Variants in EOMES observed in about 807,000 individuals in gnomAD.
EOMES encodes eomesodermin homolog.
In EOMES, 18 loss-of-function variants were observed where a neutral mutation model predicts 61.0. That is an observed-to-expected ratio of 0.30 (90% confidence interval 0.20 to 0.44). The LOEUF (loss-of-function observed/expected upper bound fraction) is 0.44. EOMES is among the 20% of genes least tolerant of loss of function. The probability of loss-of-function intolerance (pLI) is 1.00; values close to 1 mark genes in which losing one functional copy is unlikely to be tolerated. For missense variants in EOMES, 885 were observed against 939.2 expected (o/e 0.94, Z 0.75); for synonymous variants, 430 against 394.0 (o/e 1.09, Z -1.08).
At chr3:27,718,994 A>G in intron 3 of EOMES, 101 bp from the exon 4 acceptor site, 1 of 856,730 alleles carries the variant, frequency 1.2e-6, no homozygotes, top group Non-Finnish European at 1.8e-6. Flanking sequence ...TTGGACTTCT[A>G]AATGCTCCTC....
rs2060582042 is a variant in EOMES, at chr3:27,717,873, C to T, written c.1380-65G>A. The T allele has an allele frequency of 1.1e-5, 13 of 1,219,498 alleles. No individual in the cohort carries two copies. The East Asian group carries it at 3.3e-4, about 31-fold the overall frequency. The allele number at this position is 1,219,498 out of a possible 1,614,324, so 75.5% of individuals were successfully genotyped here. A position where few individuals can be genotyped will look rare whatever the true frequency, so the allele number is the denominator to read the frequency against. ...CCTAATGTTGTCCCCAAACAAACCA[C>T]CTCCCAGAAATGAAAAAGGCTTGTG... On this transcript the variant is annotated intron_variant, in intron 5 of 5. Transcript: ENST00000449599. This position sits in a 1 kb window ranked among gnomAD's most constrained non-coding sequence, Gnocchi z 4.5.
chr3:27,719,928 G>A (rs372463338), intron 2 of EOMES, among the ~76,000 whole-genome samples: 1 of 152,116 alleles, frequency 6.6e-6, no homozygotes, highest in Non-Finnish European at 1.5e-5. Context: ...GTAGGGATTG[G>A]GGGGTGGGGT....
At chr3:27,719,179 C>T (rs1054815887) in intron 3 of EOMES, among the ~76,000 whole-genome samples, 181 bp downstream of exon 3, 12 of 151,598 alleles carry the variant, frequency 7.9e-5, no homozygotes, top group Non-Finnish European at 1.5e-4. Context: ...TCACTGTTAT[C>T]GAAATCCAAT....
chr3:27,721,613 G>T lies in EOMES; in HGVS notation c.682C>A (p.Pro228Thr). The part of the protein sequence containing the change: ...AGGSSGGGGG[P>T]GTYQYSQGAP... ...CCCTGGCTGTACTGATAGGTGCCCG[G>T]GCCGCCGCCCCCGCCGCTGCTACCG... The change falls in exon 1 of 6, where the codon CCG becomes ACG. Residue 228 changes from proline (P) to threonine (T), a missense_variant. Coordinates refer to ENST00000449599, the MANE Select transcript of EOMES (RefSeq NM_001278182.2). This position sits in a 1 kb window ranked among gnomAD's most constrained non-coding sequence, Gnocchi z 7.4. 1.3e-6 allele frequency: 2 copies of T among 1,544,240 alleles called. No individual in the cohort carries two copies. The highest frequency in any genetic ancestry group is 2.4e-5 in the South Asian group (2 of 84,424).
chr3:27,719,115 C>G (rs1472726615), intron 3 of EOMES, among the ~76,000 whole-genome samples: 1 of 150,996 alleles, frequency 6.6e-6, no homozygotes, highest in East Asian at 2.0e-4. Flanking sequence ...ATGCTTTCCT[C>G]TTGGTTTCCT....
chr3:27,720,265 A>G lies in EOMES; in HGVS notation c.942T>C (p.Asn314=). The G allele has an allele frequency of 6.2e-7, 1 of 1,613,312 alleles. No individual in the cohort carries two copies. The highest frequency in any genetic ancestry group is 1.1e-5 in the South Asian group (1 of 91,060). The change falls in exon 2 of 6, where the codon AAT becomes AAC. Residue 314 remains asparagine, a synonymous_variant. Transcript: ENST00000449599. ...CCGCCAGCACCACCTCTACGAACAC[A>G]TTGTAGTGGGCAGTGGGATTGAGTC... ...INGLNPTAHY[N]VFVEVVLADP...
Position 27,721,364 on chromosome 3 carries a change from C to T in EOMES, c.881+50G>A. On this transcript the variant is annotated intron_variant, in intron 1 of 5. Coordinates refer to ENST00000449599, the MANE Select transcript of EOMES (RefSeq NM_001278182.2). This position sits in a 1 kb window ranked among gnomAD's most constrained non-coding sequence, Gnocchi z 7.4. ...TCATCCCGGACCTTCCCCAGGACCACACGTCACCCTTTATCCCCGAACCCA... is the reference window on the plus strand; with the variant it reads ...TCATCCCGGACCTTCCCCAGGACCATACGTCACCCTTTATCCCCGAACCCA... The T allele has an allele frequency of 6.7e-7, 1 of 1,498,766 alleles. No homozygotes were observed. Among genetic ancestry groups the T allele is most frequent in the Non-Finnish European group, 9.1e-7 (1 of 1,097,002 alleles). The allele number at this position is 1,498,766 out of a possible 1,614,324, so 92.8% of individuals were successfully genotyped here. A position where few individuals can be genotyped will look rare whatever the true frequency, so the allele number is the denominator to read the frequency against.
At chr3:27,719,525 C>T (rs2060594658) in intron 2 of EOMES, 44 bp from the exon 3 acceptor site, 1 of 1,588,990 alleles carries the variant, frequency 6.3e-7, no homozygotes, top group Non-Finnish European at 8.6e-7. Context: ...GCATATAGGG[C>T]TGTTTACAAA....
upstream of EOMES, chr3:27,722,658 G>A (rs1384862595): frequency 1.5e-5 from 16 of 1,045,586 alleles, no homozygotes; most frequent in South Asian, 4.8e-4. Context: ...ACTAGCCCGC[G>A]CCTTTCTGCC....
chr3:27,718,255 A>C (rs2060584558), intron 5 of EOMES, among the ~76,000 whole-genome samples: 1 of 151,972 alleles, frequency 6.6e-6, no homozygotes, highest in Non-Finnish European at 1.5e-5. Flanking sequence ...GGTGGGGGAG[A>C]GTAATAATAT....
In EOMES at chr3:27,721,488, G is replaced by T; in HGVS notation, c.807C>A (p.Val269=). Residue 269 remains valine (V), a synonymous_variant, in exon 1 of 6, where the codon GTC becomes GTA. Coordinates refer to ENST00000449599, the MANE Select transcript of EOMES (RefSeq NM_001278182.2). This position sits in a 1 kb window ranked among gnomAD's most constrained non-coding sequence, Gnocchi z 7.4. ...GCCACAGAGGCCGGTTGCACAGGTAGACGTGGGCACGGAAGCCAGAACCTG... is the reference window on the plus strand; with the variant it reads ...GCCACAGAGGCCGGTTGCACAGGTATACGTGGGCACGGAAGCCAGAACCTG... The part of the protein sequence containing the change: ...GVPGSGFRAH[V]YLCNRPLWLK... 2.5e-6 allele frequency: 4 copies of T among 1,613,528 alleles called. No individual in the cohort carries two copies. The highest frequency in any genetic ancestry group is 3.4e-6 in the Non-Finnish European group (4 of 1,179,860).
intron 1 of EOMES, among the ~76,000 whole-genome samples, chr3:27,720,531 CAAAAAAAAAAAAAAAAAAAAAAAAA>C (rs757181277): frequency 4.2e-4 from 26 of 62,322 alleles, no homozygotes; most frequent in Non-Finnish European, 2.8e-4. Flanking sequence ...TCCGTCTTTT[CAAAAAAAAAAAAAAAAAAAAAAAAA>C]AAAAAAAAAA....
chr3:27,720,550 A>T (rs2060604106), intron 1 of EOMES, among the ~76,000 whole-genome samples: 1 of 121,586 alleles, frequency 8.2e-6, no homozygotes, highest in Admixed American at 7.5e-5. Flanking sequence ...AAAAAAAAAA[A>T]AAAAAAAAAA....
chr3:27,722,344 C>T, upstream of EOMES: 1 of 1,447,128 alleles, frequency 6.9e-7, no homozygotes, highest in Admixed American at 2.9e-5. Context: ...CTCCGGTGGC[C>T]TTATTATAAA....
In EOMES at chr3:27,719,471, C is replaced by G. The variant is rs1277507814; in HGVS notation, c.1047G>C (p.Met349Ile). 6.2e-7 allele frequency: 1 copy of G among 1,613,152 alleles called. No individual in the cohort carries two copies. The highest frequency in any genetic ancestry group is 8.5e-7 in the Non-Finnish European group (1 of 1,179,486). ...TATTAGGAGACTCTGGGTGAACATACATTTTGTTGCCTAAGAGAAAATGAA... is the reference window on the plus strand; with the variant it reads ...TATTAGGAGACTCTGGGTGAACATAGATTTTGTTGCCTAAGAGAAAATGAA... ...KADNNMQGNK[M>I]YVHPESPNTG... Residue 349 changes from methionine to isoleucine, a missense_variant, in exon 3 of 6, where the codon ATG (methionine) becomes ATC (isoleucine). Met to Ile is a conservative substitution (Grantham distance 10). This residue lies in a region of EOMES where 177 missense variants were observed against 273.3 expected (regional missense o/e 0.65). Coordinates refer to ENST00000449599, the MANE Select transcript of EOMES (RefSeq NM_001278182.2).
Position 27,721,927 on chromosome 3 carries a change from G to GCGA in EOMES, c.367_368insTCG (p.Ala122_Ala123insVal). 2 of 1,365,954 alleles carry GCGA rather than the reference G, an allele frequency of 1.5e-6. No homozygotes were observed. Among genetic ancestry groups the GCGA allele is most frequent in the South Asian group, 4.1e-5 (2 of 48,938 alleles). The allele number at this position is 1,365,954 out of a possible 1,614,324, so 84.6% of individuals were successfully genotyped here. A position where few individuals can be genotyped will look rare whatever the true frequency, so the allele number is the denominator to read the frequency against. On this transcript the variant is annotated inframe_insertion, in exon 1 of 6. Transcript: ENST00000449599. This position sits in a 1 kb window ranked among gnomAD's most constrained non-coding sequence, Gnocchi z 7.4. ...AGTGGCCGCAGCCGCGGCGGCGGCG[G>GCGA]CGGCGGCGGCTGCAGCGGCGGAGGG...
chr3:27,720,850 C>A (rs1232894115), intron 1 of EOMES, among the ~76,000 whole-genome samples: 1 of 152,016 alleles, frequency 6.6e-6, no homozygotes, highest in Non-Finnish European at 1.5e-5. Flanking sequence ...GGATGTATAT[C>A]AGAACTTTCT....
chr3:27,719,012 G>A, intron 3 of EOMES, 119 bp from the exon 4 acceptor site: 1 of 763,274 alleles, frequency 1.3e-6, no homozygotes, highest in Non-Finnish European at 2.1e-6. Flanking sequence ...CTCACTAACA[G>A]CTTTGTTTAT....
rs3062761 is a variant in EOMES, at chr3:27,721,914, CGCGGCGGCGGCG to C, written c.369_380del (p.Ala127_Ala130del). 5.2e-6 allele frequency: 6 copies of C among 1,152,644 alleles called. 1 individual carries two copies. Among genetic ancestry groups the C allele is most frequent in the Admixed American group, 1.0e-4 (2 of 19,884 alleles). The allele number at this position is 1,152,644 out of a possible 1,614,324, so 71.4% of individuals were successfully genotyped here. ...TGGAGTAGCGCGCAGTGGCCGCAGC[CGCGGCGGCGGCG>C]GCGGCGGCGGCTGCAGCGGCGGAGG... is the stretch of plus-strand genomic sequence containing the variant. On this transcript the variant is annotated inframe_deletion, in exon 1 of 6. Transcript: ENST00000449599. This position sits in a 1 kb window ranked among gnomAD's most constrained non-coding sequence, Gnocchi z 7.4.
Sources: gnomAD v4.1 joint callset for allele counts (sites outside exome capture counted in the v4.1 genomes callset) on GRCh38, gnomAD v4.1.1 for gene constraint, gnomAD v4.1.1 regional missense constraint, Gnocchi (gnomAD v3.1) non-coding constraint, MANE v1.5 for transcripts, NCBI Gene and HGNC (gene_info 2026-07-23, HGNC 2026-07-21) for gene names.